LRP1: variants seen among roughly 807,000 people sequenced by gnomAD.
LRP1 encodes the protein LDL receptor related protein 1, also known as prolow-density lipoprotein receptor-related protein 1.
A neutral mutation model predicts 541.5 loss-of-function variants in LRP1; 51 were observed. The ratio of observed to expected loss-of-function variants is 0.09; its 90% CI spans 0.08 to 0.12. The LOEUF (loss-of-function observed/expected upper bound fraction) is 0.12. LRP1 is among the 10% of genes least tolerant of loss of function. The pLI, the probability that LRP1 is intolerant of heterozygous loss-of-function variation, is 1.00. For missense variants in LRP1, 3,878 were observed against 6,376.2 expected (o/e 0.61, Z 13.34); for synonymous variants, 2,219 against 2,470.8 (o/e 0.90, Z 3.02).
chr12:57,210,295 C>A lies in LRP1; in HGVS notation c.12581-12C>A. Reference sequence around the variant, plus strand: ...TCCCCTGGCTCTGCCCCTTGACGGGCCCTTCCTGCAGCTCCCCGGCCTGGA... The same window carrying A: ...TCCCCTGGCTCTGCCCCTTGACGGGACCTTCCTGCAGCTCCCCGGCCTGGA... On this transcript the variant is annotated splice_polypyrimidine_tract_variant and intron_variant, in intron 81 of 88. Transcript: ENST00000243077. 1.3e-6 allele frequency: 2 copies of A among 1,549,918 alleles called. No homozygotes were observed. The highest frequency in any genetic ancestry group is 2.7e-5 in the African/African-American group (2 of 73,548).
In LRP1 at chr12:57,145,384, G is replaced by C. The variant is rs1218916189; in HGVS notation, c.735G>C (p.Val245=). 1 of 1,614,164 alleles carries C rather than the reference G, an allele frequency of 6.2e-7. No individual in the cohort carries two copies. The highest frequency in any genetic ancestry group is 2.2e-5 in the East Asian group (1 of 44,884). The change falls in exon 6 of 89, where the codon GTG becomes GTC. Residue 245 remains valine, a synonymous_variant. Coordinates refer to ENST00000243077, the MANE Select transcript of LRP1 (RefSeq NM_002332.3). ...ATGCCAACGAGACCGTATGCTGGGT[G>C]CATGTTGGGGACAGTGCTGCTCAGA... ...FSYANETVCW[V]HVGDSAAQTQ... is the part of the protein sequence containing the mutation.
In LRP1 at chr12:57,128,920, G is replaced by A; in HGVS notation, c.-45G>A. Reference sequence around the variant, plus strand: ...CTGGGGGGGGTGAAGGAGAGAAGTAGCAGGACCAGAGGGGAAGGGGCTGCT... The same window carrying A: ...CTGGGGGGGGTGAAGGAGAGAAGTAACAGGACCAGAGGGGAAGGGGCTGCT... On this transcript the variant is annotated 5_prime_UTR_variant, in exon 1 of 89. Transcript: ENST00000243077. 1 of 1,510,712 alleles carries A rather than the reference G, an allele frequency of 6.6e-7. No individual in the cohort carries two copies. The highest frequency in any genetic ancestry group is 9.0e-7 in the Non-Finnish European group (1 of 1,114,512). The allele number at this position is 1,510,712 out of a possible 1,614,324, so 93.6% of individuals were successfully genotyped here.
At chr12:57,202,015 C>A in intron 67 of LRP1, 110 bp downstream of exon 67, 1 of 1,445,772 alleles carries the variant, frequency 6.9e-7, no homozygotes. Flanking sequence ...TCAGCGTGGC[C>A]CTGCTGCTGG....
chr12:57,180,522 A>G (rs1453833139), intron 32 of LRP1, 43 bp downstream of exon 32: 7 of 1,610,494 alleles, frequency 4.3e-6, no homozygotes, highest in African/African-American at 1.3e-5. Context: ...AGAGCAGGCC[A>G]GGCCAGACCT....
Position 57,185,431 on chromosome 12 carries a change from C to A in LRP1, c.6464-100C>A. On this transcript the variant is annotated intron_variant, in intron 40 of 88. Coordinates refer to ENST00000243077, the MANE Select transcript of LRP1 (RefSeq NM_002332.3). This position sits in a 1 kb window ranked among gnomAD's most constrained non-coding sequence, Gnocchi z 4.9. ...GGAGGGTCATTCAAGCTGGGAATAC[C>A]GAGGCAGAGGGCAGAGCTTTCGCCA... 7.0e-7 allele frequency: 1 copy of A among 1,433,972 alleles called. No individual in the cohort carries two copies. Among genetic ancestry groups the A allele is most frequent in the South Asian group, 1.4e-5 (1 of 71,862 alleles). 88.8% of individuals were successfully genotyped at this position (1,433,972 alleles called of 1,614,324 possible). A position where few individuals can be genotyped will look rare whatever the true frequency, so the allele number is the denominator to read the frequency against.
chr12:57,183,825 G>T lies in LRP1; in HGVS notation c.5845G>T (p.Ala1949Ser). ...VDMGLSTISRAKRDQTWREDV... is the reference protein window; with the variant it reads ...VDMGLSTISRSKRDQTWREDV... ...CATGGGCCTGAGCACGATCAGCCGGGCCAAGCGGGACCAGACGTGGCGTGA... is the reference window on the plus strand; with the variant it reads ...CATGGGCCTGAGCACGATCAGCCGGTCCAAGCGGGACCAGACGTGGCGTGA... The change falls in exon 36 of 89, where the codon GCC (alanine) becomes TCC (serine). Residue 1949 changes from alanine to serine, a missense_variant. Coordinates refer to ENST00000243077, the MANE Select transcript of LRP1 (RefSeq NM_002332.3). The surrounding 1 kb of genome is among the most constrained non-coding windows in gnomAD (Gnocchi z 6.1). The T allele has an allele frequency of 6.2e-7, 1 of 1,614,156 alleles. No individual in the cohort carries two copies. The highest frequency in any genetic ancestry group is 8.5e-7 in the Non-Finnish European group (1 of 1,180,042).
In LRP1 at chr12:57,205,504, G is replaced by C; in HGVS notation, c.11470+19G>C. ...TGCCAAGGTAGGAAAGCGGGGCAGA[G>C]CAGGGGTGGACACCCCAACTGTGGA... On this transcript the variant is annotated intron_variant, in intron 74 of 88. Transcript: ENST00000243077. This position sits in a 1 kb window ranked among gnomAD's most constrained non-coding sequence, Gnocchi z 4.6. 1 of 1,612,060 alleles carries C rather than the reference G, an allele frequency of 6.2e-7. No homozygotes were observed. Among genetic ancestry groups the C allele is most frequent in the Non-Finnish European group, 8.5e-7 (1 of 1,178,580 alleles).
At position 57,204,596 on chromosome 12, in the gene LRP1, T is replaced by C. The variant is rs1291997513; in HGVS notation, c.11072-31T>C. On this transcript the variant is annotated intron_variant, in intron 71 of 88. Coordinates refer to ENST00000243077, the MANE Select transcript of LRP1 (RefSeq NM_002332.3). This position sits in a 1 kb window ranked among gnomAD's most constrained non-coding sequence, Gnocchi z 5.3. The stretch of plus-strand genomic sequence containing the variant: ...CAACCACCCCCACTCCCAAGACTAA[T>C]TCTGGCTCTGTGTCCCCCTGGCTGC... 15 of 1,612,886 alleles carry C rather than the reference T, an allele frequency of 9.3e-6. No individual in the cohort carries two copies. The highest frequency in any genetic ancestry group is 1.1e-5 in the Non-Finnish European group (13 of 1,179,254).
intron 19 of LRP1, among the ~76,000 whole-genome samples, chr12:57,168,802 G>A (rs570511053): frequency 6.6e-6 from 1 of 152,174 alleles, no homozygotes; most frequent in African/African-American, 2.4e-5. Context: ...TCCAAAACTA[G>A]AGAAACCCCT....
chr12:57,180,561 G>A, intron 32 of LRP1, 82 bp downstream of exon 32: 3 of 1,607,624 alleles, frequency 1.9e-6, no homozygotes, highest in Non-Finnish European at 2.6e-6. Flanking sequence ...GCTTGGGGCA[G>A]TCTCTCACCA....
intron 6 of LRP1, chr12:57,148,840 G>A: frequency 2.1e-6 from 1 of 476,142 alleles, no homozygotes. Flanking sequence ...CATGCTGCAT[G>A]GGGAAGAAGG....
In LRP1 at chr12:57,192,896, T is replaced by C; in HGVS notation, c.7481T>C (p.Leu2494Pro). The change falls in exon 45 of 89, where the codon CTG (leucine) becomes CCG (proline). Residue 2494 changes from leucine to proline, a missense_variant. Leu to Pro is a moderately conservative substitution (Grantham distance 98). Transcript: ENST00000243077. ...AACGGTGGCTGCCAGGACCTGTGTCTGCTCACTCACCAGGGCCATGTCAAC... is the reference window on the plus strand; with the variant it reads ...AACGGTGGCTGCCAGGACCTGTGTCCGCTCACTCACCAGGGCCATGTCAAC... ...INNGGCQDLCLLTHQGHVNCS... is the reference protein window; with the variant it reads ...INNGGCQDLCPLTHQGHVNCS... 6.2e-7 allele frequency: 1 copy of C among 1,614,074 alleles called. No individual in the cohort carries two copies. Among genetic ancestry groups the C allele is most frequent in the Non-Finnish European group, 8.5e-7 (1 of 1,180,016 alleles).
Position 57,209,693 on chromosome 12 carries a change from C to A in LRP1, c.12264C>A (p.Gly4088=). Residue 4088 remains glycine (G), a splice_region_variant and synonymous_variant, in exon 80 of 89, where the codon GGC becomes GGA. Coordinates refer to ENST00000243077, the MANE Select transcript of LRP1 (RefSeq NM_002332.3). ...DPIVAADSKR[G]LSHPFSIDVF... ...CTCTGACTCCACCTCCTCCCCCAGG[C>A]CTAAGTCACCCCTTCAGCATCGACG... The A allele has an allele frequency of 1.2e-6, 2 of 1,614,082 alleles. No individual in the cohort carries two copies. Among genetic ancestry groups the A allele is most frequent in the South Asian group, 2.2e-5 (2 of 91,086 alleles).
chr12:57,191,396 T>C lies in LRP1; in HGVS notation c.7313T>C (p.Val2438Ala). The C allele has an allele frequency of 6.2e-7, 1 of 1,613,174 alleles. No individual in the cohort carries two copies. Among genetic ancestry groups the C allele is most frequent in the Non-Finnish European group, 8.5e-7 (1 of 1,179,482 alleles). The change falls in exon 44 of 89, where the codon GTG (valine) becomes GCG (alanine). Residue 2438 changes from valine (V) to alanine (A), a missense_variant. Coordinates refer to ENST00000243077, the MANE Select transcript of LRP1 (RefSeq NM_002332.3). ...GAGCACATTTTCTGGACTGACTGGG[T>C]GCGGCGGGCAGTGCAGCGGGCCAAC... ...YGEHIFWTDWVRRAVQRANKH... is the reference protein window; with the variant it reads ...YGEHIFWTDWARRAVQRANKH...
Position 57,198,172 on chromosome 12 carries a change from G to A in LRP1, c.9299G>A (p.Gly3100Asp). The part of the protein sequence containing the change: ...GSNVQVLHRT[G>D]LSNPDGLAVD... ...TTCCTGCAGGTCCTACACCGTACAG[G>A]CCTCAGCAACCCCGATGGGCTGGCT... Residue 3100 changes from glycine (G) to aspartate (D), a missense_variant, in exon 59 of 89, where the codon GGC becomes GAC. Transcript: ENST00000243077. The A allele has an allele frequency of 1.9e-6, 3 of 1,612,244 alleles. No individual in the cohort carries two copies. The highest frequency in any genetic ancestry group is 2.5e-6 in the Non-Finnish European group (3 of 1,179,692).
intron 6 of LRP1, among the ~76,000 whole-genome samples, chr12:57,147,250 G>A (rs766065221): frequency 1.3e-5 from 2 of 151,896 alleles, no homozygotes; most frequent in Non-Finnish European, 2.9e-5. Context: ...CGTCCCTGCC[G>A]CCTGAATGTC....
At position 57,205,575 on chromosome 12, in the gene LRP1, C is replaced by G. The variant is rs776313808; in HGVS notation, c.11488C>G (p.Arg3830Gly). 1 of 1,614,004 alleles carries G rather than the reference C, an allele frequency of 6.2e-7. No homozygotes were observed. The highest frequency in any genetic ancestry group is 1.3e-5 in the African/African-American group (1 of 75,044). The change falls in exon 75 of 89, where the codon CGC becomes GGC. Residue 3830 changes from arginine (R) to glycine (G), a missense_variant. Arg to Gly is a moderately radical substitution (Grantham distance 125). Around this residue, in one of 13 missense-constraint regions of LRP1, gnomAD observed 871 missense variants for 1,212.4 expected, o/e 0.72. Transcript: ENST00000243077. This position sits in a 1 kb window ranked among gnomAD's most constrained non-coding sequence, Gnocchi z 4.6. Reference protein sequence around the residue: ...PGCQDINECLRFGTCSQLCNN... With the variant: ...PGCQDINECLGFGTCSQLCNN... ...ACCCTTAGACATCAACGAGTGCCTGCGCTTCGGCACCTGCTCCCAGCTCTG... is the reference window on the plus strand; with the variant it reads ...ACCCTTAGACATCAACGAGTGCCTGGGCTTCGGCACCTGCTCCCAGCTCTG...
In LRP1 at chr12:57,154,745, C is replaced by T. The variant is rs771753432; in HGVS notation, c.1227+44C>T. ...GAGGTTTTGTGGGGGAACCATGATC[C>T]AGGGCCTTCTGGTGAGGGGGGAAGC... is the stretch of plus-strand genomic sequence containing the variant. On this transcript the variant is annotated intron_variant, in intron 8 of 88. Coordinates refer to ENST00000243077, the MANE Select transcript of LRP1 (RefSeq NM_002332.3). The surrounding 1 kb of genome is among the most constrained non-coding windows in gnomAD (Gnocchi z 4.6). 2.0e-6 allele frequency: 3 copies of T among 1,522,872 alleles called. No homozygotes were observed. In the South Asian group the frequency reaches 3.6e-5, roughly 18 times the overall value. 94.3% of individuals were successfully genotyped at this position (1,522,872 alleles called of 1,614,324 possible).
Position 57,145,372 on chromosome 12 carries a change from C to A in LRP1, c.723C>A (p.Thr241=). ...TAMDFSYANE[T]VCWVHVGDSA... is the part of the protein sequence containing the mutation. The stretch of plus-strand genomic sequence containing the variant: ...TGGACTTCAGCTATGCCAACGAGAC[C>A]GTATGCTGGGTGCATGTTGGGGACA... The change falls in exon 6 of 89, where the codon ACC becomes ACA. Residue 241 remains threonine, a synonymous_variant. Transcript: ENST00000243077. 1 of 1,614,172 alleles carries A rather than the reference C, an allele frequency of 6.2e-7. No homozygotes were observed. Among genetic ancestry groups the A allele is most frequent in the South Asian group, 1.1e-5 (1 of 91,086 alleles).
Sources: allele counts gnomAD v4.1 joint callset (sites outside exome capture counted in the v4.1 genomes callset), GRCh38; gene constraint gnomAD v4.1.1; regional missense constraint gnomAD v4.1.1; non-coding constraint Gnocchi (gnomAD v3.1); transcripts MANE v1.5; gene names NCBI Gene and HGNC (gene_info 2026-07-23, HGNC 2026-07-21).